SLC71A1: variants seen among roughly 807,000 people sequenced by gnomAD.
SLC71A1 encodes solute carrier family 71 member 1.
At chr1:100,081,548 G>A in the SLC71A1 span, among the ~76,000 whole-genome samples, 10 of 151,844 alleles carry the variant, frequency 6.6e-5, no homozygotes, top group African/African-American at 2.4e-4. Flanking sequence ...AATTTTTTTT[G>A]TATTTTTAGT....
the SLC71A1 span, among the ~76,000 whole-genome samples, chr1:100,067,287 T>C: frequency 7.2e-5 from 11 of 152,242 alleles, no homozygotes; most frequent in African/African-American, 2.4e-4. Flanking sequence ...TCTGTCACCC[T>C]GGCTGGAGTG....
chr1:100,074,082 C>T, the SLC71A1 span, among the ~76,000 whole-genome samples: 15 of 152,006 alleles, frequency 9.9e-5, no homozygotes, highest in Non-Finnish European at 2.2e-4. Context: ...ATCAGTGTTC[C>T]CAGTTACAGT....
At chr1:100,060,353 C>G in the SLC71A1 span, among the ~76,000 whole-genome samples, 1 of 152,076 alleles carries the variant, frequency 6.6e-6, no homozygotes, top group African/African-American at 2.4e-5. Flanking sequence ...TTGTCATTAT[C>G]TATATTAGTT....
chr1:100,045,420 A>G, the SLC71A1 span, among the ~76,000 whole-genome samples: 4 of 152,144 alleles, frequency 2.6e-5, no homozygotes, highest in African/African-American at 9.7e-5. Flanking sequence ...TTTTCTAGGT[A>G]TACAGTCATA....
At chr1:100,038,134 G>A in the SLC71A1 span, 2 of 1,085,634 alleles carry the variant, frequency 1.8e-6, no homozygotes, top group African/African-American at 1.6e-5. Flanking sequence ...CGGGCGCCCA[G>A]AGCGGCTCGG....
the SLC71A1 span, chr1:100,049,933 G>A: frequency 6.2e-7 from 1 of 1,606,950 alleles, no homozygotes. Flanking sequence ...TTCTCCTAGT[G>A]TCTATCATGC....
At chr1:100,068,115 G>C in the SLC71A1 span, 1 of 1,614,182 alleles carries the variant, frequency 6.2e-7, no homozygotes, top group Non-Finnish European at 8.5e-7. Context: ...CCTTGTTGCT[G>C]TGCCAGAGTC....
At chr1:100,045,396 A>G in the SLC71A1 span, among the ~76,000 whole-genome samples, 2 of 152,052 alleles carry the variant, frequency 1.3e-5, no homozygotes, top group African/African-American at 4.8e-5. Flanking sequence ...AGCTTTTTGG[A>G]TGCGTCATTA....
the SLC71A1 span, among the ~76,000 whole-genome samples, chr1:100,060,868 T>G: frequency 3.3e-5 from 5 of 152,154 alleles, no homozygotes; most frequent in Admixed American, 2.6e-4. Context: ...ACTAATGTTC[T>G]TTTTACTCCA....
At chr1:100,068,267 G>A in the SLC71A1 span, 4 of 1,233,152 alleles carry the variant, frequency 3.2e-6, no homozygotes, top group South Asian at 2.7e-5. Context: ...ATTTTGTTGT[G>A]GATATTTCTT....
At chr1:100,075,615 C>A in the SLC71A1 span, among the ~76,000 whole-genome samples, 7,089 of 152,234 alleles carry the variant, frequency 0.047, 188 homozygotes, top group African/African-American at 0.062. Context: ...ATTTCTAACC[C>A]TAATTAGAAT....
At chr1:100,054,877 G>T in the SLC71A1 span, among the ~76,000 whole-genome samples, 1 of 152,130 alleles carries the variant, frequency 6.6e-6, no homozygotes, top group African/African-American at 2.4e-5. Flanking sequence ...AAATTGTATG[G>T]CCCCAAAGGA....
chr1:100,082,368 G>A, the SLC71A1 span: 1 of 607,734 alleles, frequency 1.6e-6, no homozygotes, highest in Non-Finnish European at 2.8e-6. Flanking sequence ...TGGGAACTTA[G>A]AACCAGACAG....
chr1:100,082,485 T>C, the SLC71A1 span: 140 of 398,022 alleles, frequency 3.5e-4, 2 homozygotes, highest in Admixed American at 3.8e-3. Flanking sequence ...TTAAAAACTA[T>C]ATATGTAACT....
the SLC71A1 span, among the ~76,000 whole-genome samples, chr1:100,046,212 GTTTTTTTTTT>G: frequency 8.9e-4 from 48 of 54,104 alleles, 1 homozygote; most frequent in Admixed American, 3.6e-3. Context: ...TCCAAGCCTC[GTTTTTTTTTT>G]TTTTTTTTTT....
chr1:100,072,489 C>G, the SLC71A1 span, among the ~76,000 whole-genome samples: 1 of 151,578 alleles, frequency 6.6e-6, no homozygotes, highest in Non-Finnish European at 1.5e-5. Context: ...ATGATGAGGT[C>G]AGGATTATAT....
At chr1:100,061,775 GAA>G in the SLC71A1 span, 19 of 1,059,118 alleles carry the variant, frequency 1.8e-5, no homozygotes, top group Non-Finnish European at 2.8e-5. Flanking sequence ...TTATAAAAAT[GAA>G]AGAAGATTAA....
At chr1:100,047,086 C>G in the SLC71A1 span, among the ~76,000 whole-genome samples, 2 of 152,262 alleles carry the variant, frequency 1.3e-5, no homozygotes, top group South Asian at 4.1e-4. Context: ...TTGGTACTTT[C>G]CAGTACTTTG....
the SLC71A1 span, among the ~76,000 whole-genome samples, chr1:100,048,267 C>T: frequency 1.3e-5 from 2 of 152,032 alleles, no homozygotes; most frequent in Non-Finnish European, 2.9e-5. Flanking sequence ...CAACCTCTGC[C>T]TCCCAGGTTC....
Sources: allele counts gnomAD v4.1 joint callset (sites outside exome capture counted in the v4.1 genomes callset), GRCh38; gene constraint gnomAD v4.1.1; transcripts MANE v1.5; gene names NCBI Gene and HGNC (gene_info 2026-07-23, HGNC 2026-07-21).